The following ITGA9 variants were observed in gnomAD, a reference collection of about 807,000 sequenced individuals.
The protein encoded by ITGA9 is integrin alpha-9.
A neutral mutation model predicts 127.8 loss-of-function variants in ITGA9; 56 were observed. The ratio of observed to expected loss-of-function variants is 0.44; its 90% CI spans 0.35 to 0.55. ITGA9 has a LOEUF of 0.55. ITGA9 is among the 20% of genes least tolerant of loss of function. ITGA9 has a pLI of 0.00. For missense variants in ITGA9, 1,196 were observed against 1,347.1 expected (o/e 0.89, Z 1.76); for synonymous variants, 508 against 514.5 (o/e 0.99, Z 0.17).
At chr3:37,523,729 A>G (rs547406246) in intron 12 of ITGA9, 118 bp downstream of exon 12, 49 of 786,126 alleles carry the variant, frequency 6.2e-5, no homozygotes, top group Non-Finnish European at 9.3e-5. Context: ...AATTCACACA[A>G]TAGAATAGGG....
chr3:37,737,052 G>C, intron 20 of ITGA9, 69 bp downstream of exon 20: 2 of 1,045,596 alleles, frequency 1.9e-6, no homozygotes, highest in African/African-American at 1.6e-5. Context: ...GATGTGTCCT[G>C]GTTAAGCTTT....
At chr3:37,714,199 T>C (rs1701109049) in intron 18 of ITGA9, among the ~76,000 whole-genome samples, 1 of 152,178 alleles carries the variant, frequency 6.6e-6, no homozygotes, top group African/African-American at 2.4e-5. Flanking sequence ...ATCTGTAAGG[T>C]GGGAAGTATA....
intron 23 of ITGA9, among the ~76,000 whole-genome samples, chr3:37,776,888 C>T (rs971033291): frequency 3.3e-5 from 5 of 152,254 alleles, no homozygotes; most frequent in Middle Eastern, 3.4e-3. Context: ...TAGAAGGACC[C>T]CTAAGGAGTT....
chr3:37,655,297 T>C (rs945781821), intron 17 of ITGA9, among the ~76,000 whole-genome samples: 1 of 152,196 alleles, frequency 6.6e-6, no homozygotes, highest in African/African-American at 2.4e-5. Flanking sequence ...TTGAACTAAT[T>C]TACACTCCCA....
At chr3:37,710,995 G>A (rs974159271) in intron 18 of ITGA9, among the ~76,000 whole-genome samples, 4 of 152,216 alleles carry the variant, frequency 2.6e-5, no homozygotes, top group African/African-American at 9.6e-5. Context: ...CCTCATAGTG[G>A]GTTGGGGATT....
chr3:37,766,315 C>T (rs894792053), intron 23 of ITGA9, among the ~76,000 whole-genome samples: 1 of 152,254 alleles, frequency 6.6e-6, no homozygotes, highest in South Asian at 2.1e-4. Flanking sequence ...GGGAGCCAAC[C>T]TCACTTACTT....
At chr3:37,712,788 A>C (rs1432359436) in intron 18 of ITGA9, among the ~76,000 whole-genome samples, 2 of 152,192 alleles carry the variant, frequency 1.3e-5, no homozygotes, top group Non-Finnish European at 2.9e-5. Context: ...CAATTGAGTT[A>C]AGCCTGGGTC....
intron 15 of ITGA9, among the ~76,000 whole-genome samples, chr3:37,583,266 G>C (rs1699727012): frequency 6.6e-6 from 1 of 152,092 alleles, no homozygotes. Flanking sequence ...CTCACCTGTG[G>C]GTCATGATGA....
At chr3:37,523,692 A>G (rs1401540659) in intron 12 of ITGA9, 81 bp downstream of exon 12, 3 of 976,688 alleles carry the variant, frequency 3.1e-6, no homozygotes. Context: ...CTGGTTAGCA[A>G]TCATCACATC....
At chr3:37,541,758 A>C (rs1699275152) in intron 14 of ITGA9, among the ~76,000 whole-genome samples, 2 of 152,234 alleles carry the variant, frequency 1.3e-5, no homozygotes, top group South Asian at 4.1e-4. Flanking sequence ...AGGCAACTCC[A>C]GCCTTCATCT....
At chr3:37,760,520 T>C (rs1160942836) in intron 23 of ITGA9, among the ~76,000 whole-genome samples, 1 of 151,874 alleles carries the variant, frequency 6.6e-6, no homozygotes, top group Non-Finnish European at 1.5e-5. Flanking sequence ...AGAAAGACGA[T>C]AGAGAAAAGA....
Position 37,533,450 on chromosome 3 carries a change from C to T in ITGA9, c.1510C>T (p.His504Tyr). 2 of 1,614,176 alleles carry T rather than the reference C, an allele frequency of 1.2e-6. No individual in the cohort carries two copies. The highest frequency in any genetic ancestry group is 1.7e-6 in the Non-Finnish European group (2 of 1,180,022). The stretch of plus-strand genomic sequence containing the variant: ...CACCTGCTTCAGCTTCCATGGCAAA[C>T]ACGTTCCAGGAGAGATTGGTAATGA... ...VTTCFSFHGK[H>Y]VPGEIGLNYV... Residue 504 changes from histidine (H) to tyrosine (Y), a missense_variant, in exon 14 of 28, where the codon CAC becomes TAC. Coordinates refer to ENST00000264741, the MANE Select transcript of ITGA9 (RefSeq NM_002207.3).
intron 4 of ITGA9, among the ~76,000 whole-genome samples, chr3:37,489,140 A>G (rs778631603): frequency 3.5e-4 from 53 of 152,366 alleles, no homozygotes; most frequent in Non-Finnish European, 6.8e-4. Context: ...TCCATATTGT[A>G]GCATCTGTCA....
At position 37,499,057 on chromosome 3, in the gene ITGA9, C is replaced by A. The variant is rs139019303; in HGVS notation, c.613-4121C>A. On this transcript the variant is annotated intron_variant, in intron 5 of 27. Transcript: ENST00000264741. ...TGGCCTAAGGTGCCTGCTTGACCTA[C>A]AGGTCAGTGACCCTGAGCTTAACAA... Among the ~76,000 whole-genome samples, 336 of 152,334 alleles carry A rather than the reference C, an allele frequency of 2.2e-3. 3 individuals are homozygous for A. The highest frequency in any genetic ancestry group is 7.7e-3 in the African/African-American group (318 of 41,550).
chr3:37,562,111 C>T (rs548611475), intron 15 of ITGA9, among the ~76,000 whole-genome samples: 7 of 152,174 alleles, frequency 4.6e-5, no homozygotes, highest in Non-Finnish European at 1.0e-4. Context: ...CACTCGGGGC[C>T]GTGACAGGCA....
intron 26 of ITGA9, among the ~76,000 whole-genome samples, chr3:37,798,890 T>C (rs757540725): frequency 1.3e-5 from 2 of 152,232 alleles, no homozygotes; most frequent in Admixed American, 1.3e-4. Context: ...TATATTTGTA[T>C]GAGAATCATG....
chr3:37,749,162 C>G (rs1019013701), intron 22 of ITGA9: 1 of 201,180 alleles, frequency 5.0e-6, no homozygotes, highest in Non-Finnish European at 9.9e-6. Context: ...GGAAAATCCA[C>G]TTCTTGCCTT....
At chr3:37,662,454 G>A (rs952483352) in intron 17 of ITGA9, among the ~76,000 whole-genome samples, 2 of 152,096 alleles carry the variant, frequency 1.3e-5, no homozygotes, top group Non-Finnish European at 2.9e-5. Context: ...GAAGGGAGAG[G>A]AGAACATTGA....
At chr3:37,788,904 C>T (rs997230994) in intron 26 of ITGA9, among the ~76,000 whole-genome samples, 5 of 152,044 alleles carry the variant, frequency 3.3e-5, no homozygotes, top group African/African-American at 9.7e-5. Flanking sequence ...CTGAAGGCCA[C>T]GGGACTTACC....
Sources: allele counts gnomAD v4.1 joint callset (sites outside exome capture counted in the v4.1 genomes callset), GRCh38; gene constraint gnomAD v4.1.1; transcripts MANE v1.5; gene names NCBI Gene and HGNC (gene_info 2026-07-23, HGNC 2026-07-21).